Variants in RICTOR observed in about 807,000 individuals in gnomAD.
RICTOR encodes rapamycin-insensitive companion of mTOR.
RICTOR carries 49 observed loss-of-function variants against 214.9 expected under a neutral mutation model. That is an observed-to-expected ratio of 0.23 (90% CI 0.18 to 0.29). The LOEUF (loss-of-function observed/expected upper bound fraction) is 0.29, where lower values mean the gene tolerates loss of function less well. Among genes scored for constraint, RICTOR ranks in the 10% least tolerant of loss-of-function variants. The pLI is 1.00. For synonymous variants in RICTOR, 717 were observed against 711.3 expected (o/e 1.01, Z -0.13); for missense variants, 1,625 against 2,047.0 (o/e 0.79, Z 3.98).
chr5:38,991,898 ATT>A (rs1430574494), intron 6 of RICTOR, among the ~76,000 whole-genome samples: 3 of 152,132 alleles, frequency 2.0e-5, no homozygotes, highest in Admixed American at 6.6e-5. Flanking sequence ...GAAATAAAAT[ATT>A]TTGTTTGTAT....
chr5:39,005,349 T>C (rs1268306), intron 3 of RICTOR, among the ~76,000 whole-genome samples: 5,023 of 152,096 alleles, frequency 0.033, 136 homozygotes, highest in South Asian at 0.081. Flanking sequence ...AAATCCTCTT[T>C]TTTTTTTTTT....
At chr5:38,967,450 G>C (rs751182528) in intron 12 of RICTOR, 23 bp from the exon 13 acceptor site, 1 of 1,518,862 alleles carries the variant, frequency 6.6e-7, no homozygotes, top group Non-Finnish European at 9.1e-7. Context: ...AAATATGGTA[G>C]GGAAAAGATT....
rs780491594 is a variant in RICTOR at position 38,947,253 on chromosome 5, T to C, written c.4314+11A>G. The C allele has an allele frequency of 2.5e-6, 4 of 1,581,630 alleles. No homozygotes were observed. The South Asian group carries it at 3.4e-5, about 13-fold the overall frequency. On this transcript the variant is annotated intron_variant, in intron 32 of 37. Transcript: ENST00000357387. ...CAACTCATAGGAAAACAATAAAATG[T>C]ATGATAATACCTGGAATATATCATT...
chr5:38,977,364 T>C (rs1225648213), intron 9 of RICTOR, among the ~76,000 whole-genome samples: 1 of 152,108 alleles, frequency 6.6e-6, no homozygotes, highest in African/African-American at 2.4e-5. Context: ...TGTTATTTGG[T>C]GTGCAGCAAC....
chr5:39,035,878 T>C (rs940128292), intron 2 of RICTOR, among the ~76,000 whole-genome samples: 6 of 152,184 alleles, frequency 3.9e-5, no homozygotes, highest in African/African-American at 1.2e-4. Flanking sequence ...TGGAACCAAG[T>C]TGGAAAACAC....
chr5:39,050,797 T>C (rs552652619), intron 2 of RICTOR, among the ~76,000 whole-genome samples: 1 of 152,250 alleles, frequency 6.6e-6, no homozygotes, highest in African/African-American at 2.4e-5. Context: ...TGGGAGAATA[T>C]ACAAATGAAA....
In RICTOR at chr5:38,982,021, T is replaced by C. The variant is rs1285104755; in HGVS notation, c.599A>G (p.Glu200Gly). Residue 200 changes from glutamate (E) to glycine (G), a missense_variant, in exon 8 of 38, where the codon GAG becomes GGG. Transcript: ENST00000357387. ...TAGTCCACCTCGAAGGGCCACCACC[T>C]CTGGATTCTGAAGTGCTAAAAGAGA... The part of the protein sequence containing the change: ...IICELALQNP[E>G]VVALRGGLNT... The C allele has an allele frequency of 1.2e-6, 2 of 1,611,204 alleles. No homozygotes were observed. Among genetic ancestry groups the C allele is most frequent in the African/African-American group, 2.7e-5 (2 of 74,882 alleles).
chr5:39,012,777 A>T (rs1754637919), intron 3 of RICTOR, among the ~76,000 whole-genome samples: 1 of 152,204 alleles, frequency 6.6e-6, no homozygotes, highest in South Asian at 2.1e-4. Flanking sequence ...ATAAAATGCT[A>T]AATTATTAGA....
chr5:38,994,517 G>A (rs1278184878), intron 6 of RICTOR, among the ~76,000 whole-genome samples: 7 of 142,730 alleles, frequency 4.9e-5, no homozygotes, highest in South Asian at 2.3e-4. Context: ...GCCACTGTTC[G>A]TTCAGCAAAT....
intron 2 of RICTOR, among the ~76,000 whole-genome samples, chr5:39,055,923 C>A (rs1250872804): frequency 6.6e-6 from 1 of 152,156 alleles, no homozygotes; most frequent in East Asian, 1.9e-4. Context: ...GAGATAAAAT[C>A]ATTACCATCT....
At chr5:38,986,169 G>A (rs1398119560) in intron 7 of RICTOR, among the ~76,000 whole-genome samples, 2 of 152,130 alleles carry the variant, frequency 1.3e-5, no homozygotes, top group Non-Finnish European at 2.9e-5. Flanking sequence ...TCTCCATGCT[G>A]TTCTCGTGAT....
intron 6 of RICTOR, among the ~76,000 whole-genome samples, chr5:38,996,411 C>T (rs1753179511): frequency 6.6e-6 from 1 of 152,194 alleles, no homozygotes; most frequent in Admixed American, 6.5e-5. Flanking sequence ...TATCCAAATT[C>T]ACCTTTAAAA....
chr5:39,049,335 T>A lies in RICTOR; in HGVS notation c.97+24776A>T, dbSNP rs542639209. On this transcript the variant is annotated intron_variant, in intron 2 of 37. Transcript: ENST00000357387. The stretch of plus-strand genomic sequence containing the variant: ...AAGACTAAAAATCAGAATTATTCAA[T>A]GAAATAATAATTATGTTTTATATAT... Among the ~76,000 whole-genome samples the A allele has an allele frequency of 7.8e-3, 1,184 of 152,110 alleles. 22 individuals carry two copies. The highest frequency in any genetic ancestry group is 0.028 in the African/African-American group (1,152 of 41,494).
rs140167061 is a variant in RICTOR at position 38,984,643 on chromosome 5, A to T, written c.584-2607T>A. Among the ~76,000 whole-genome samples the T allele has an allele frequency of 5.0e-4, 76 of 152,152 alleles. 1 individual carries two copies. In the East Asian group the frequency reaches 0.014, roughly 28 times the overall value. ...GTCTTTTTAAAAAATCCTCAATGGT[A>T]GGTTTTGGTTCTCTTTTTTTTTAGC... On this transcript the variant is annotated intron_variant, in intron 7 of 37. Transcript: ENST00000357387.
chr5:39,053,115 T>G (rs761430896), intron 2 of RICTOR, among the ~76,000 whole-genome samples: 1 of 152,224 alleles, frequency 6.6e-6, no homozygotes, highest in Non-Finnish European at 1.5e-5. Flanking sequence ...AATTTTTTCA[T>G]AGTTTTTCTC....
At position 38,942,166 on chromosome 5, in the gene RICTOR, T is replaced by C. The variant is rs550607604; in HGVS notation, c.*138A>G. On this transcript the variant is annotated 3_prime_UTR_variant, in exon 38 of 38. Transcript: ENST00000357387. ...GAAAGTCAGCAGTTCCAACTGTTCA[T>C]GTACCAGTAACTGCGGAACAGTGTA... is the stretch of plus-strand genomic sequence containing the variant. The C allele has an allele frequency of 8.5e-6, 4 of 469,540 alleles. No homozygotes were observed. Among genetic ancestry groups the C allele is most frequent in the Non-Finnish European group, 1.6e-5 (4 of 257,228 alleles). The allele number at this position is 469,540 out of a possible 1,614,324, so 29.1% of individuals were successfully genotyped here.
chr5:38,967,493 A>C, intron 12 of RICTOR, 66 bp from the exon 13 acceptor site: 1 of 1,185,722 alleles, frequency 8.4e-7, no homozygotes. Flanking sequence ...ATAAGTATAA[A>C]ACCATCAGCT....
chr5:38,947,158 C>T, intron 32 of RICTOR, 106 bp downstream of exon 32: 1 of 764,038 alleles, frequency 1.3e-6, no homozygotes, highest in South Asian at 1.9e-5. Flanking sequence ...AATCATGCTG[C>T]CCCAAACTGG....
At chr5:38,952,566 T>G (rs2112871270) in intron 29 of RICTOR, 141 bp from the exon 30 acceptor site, 1 of 556,734 alleles carries the variant, frequency 1.8e-6, no homozygotes, top group Non-Finnish European at 3.1e-6. Context: ...AAAAAAAAAC[T>G]TATTAAGACT....
Sources: allele counts gnomAD v4.1 joint callset (sites outside exome capture counted in the v4.1 genomes callset), GRCh38; gene constraint gnomAD v4.1.1; transcripts MANE v1.5; gene names NCBI Gene and HGNC (gene_info 2026-07-23, HGNC 2026-07-21).